WDR97: variants seen among roughly 807,000 people sequenced by gnomAD.
WDR97 encodes the protein WD repeat domain 97, also known as WD repeat-containing protein 97.
Under a neutral mutation model 65.4 loss-of-function variants are expected in WDR97, and 111 were observed. The observed-to-expected ratio is 1.70, with a 90% CI of 1.45 to 1.99. The LOEUF is 1.99. WDR97 is among the 30% of genes most tolerant of loss of function. WDR97 has a pLI of 0.00. For synonymous variants in WDR97, 802 were observed against 397.7 expected (o/e 2.02, Z -12.10); for missense variants, 1,674 against 865.0 (o/e 1.94, Z -11.73).
rs757992745 is a variant in WDR97, at chr8:144,112,088, C to A, written c.2839C>A (p.Arg947=). 2 of 702,774 alleles carry A rather than the reference C, an allele frequency of 2.8e-6. No individual in the cohort carries two copies. The highest frequency in any genetic ancestry group is 5.2e-6 in the Non-Finnish European group (2 of 385,068). 43.5% of individuals were successfully genotyped at this position (702,774 alleles called of 1,614,324 possible). Reference sequence around the variant, plus strand: ...GGGCCAGCACTTCTCCCAGTCTCCCCGAGTCACAGTGCCGATCCCACCCAC... The same window carrying A: ...GGGCCAGCACTTCTCCCAGTCTCCCAGAGTCACAGTGCCGATCCCACCCAC... ...ALGQHFSQSP[R]VTVPIPPTHR... The change falls in exon 13 of 24, where the codon CGA becomes AGA. Residue 947 remains arginine, a synonymous_variant. Transcript: ENST00000323662.
rs768577632 is a variant in WDR97 at position 144,116,105 on chromosome 8, C to T, written c.4681C>T (p.Arg1561Trp). ...AMRLRGPMRS[R>W]LCAGRTLDGP... is the part of the protein sequence containing the mutation. ...CCCGCCCCCAGGCCCCATGCGGTCC[C>T]GGCTCTGTGCGGGCCGCACCCTGGA... is the stretch of plus-strand genomic sequence containing the variant. Residue 1561 changes from arginine to tryptophan, a missense_variant, in exon 24 of 24, where the codon CGG becomes TGG. By Grantham distance (101) the Arg-to-Trp change is moderately radical. Transcript: ENST00000323662. 146 of 695,704 alleles carry T rather than the reference C, an allele frequency of 2.1e-4. No homozygotes were observed. The East Asian group carries it at 2.9e-3, about 14-fold the overall frequency. 43.1% of individuals were successfully genotyped at this position (695,704 alleles called of 1,614,324 possible). A position where few individuals can be genotyped will look rare whatever the true frequency, so the allele number is the denominator to read the frequency against.
chr8:144,109,506 C>T lies in WDR97; in HGVS notation c.1172C>T (p.Pro391Leu). The T allele has an allele frequency of 1.4e-6, 1 of 696,464 alleles. No individual in the cohort carries two copies. The highest frequency in any genetic ancestry group is 2.7e-4 in the Middle Eastern group (1 of 3,686). 43.1% of individuals were successfully genotyped at this position (696,464 alleles called of 1,614,324 possible). A position where few individuals can be genotyped will look rare whatever the true frequency, so the allele number is the denominator to read the frequency against. ...LSRRVGRLLA[P>L]VRPGWPVLSL... ...CGGCGCGTGGGCCGTCTGCTGGCGC[C>T]GGTGCGCCCGGGCTGGCCGGTGCTG... Residue 391 changes from proline to leucine, a missense_variant, in exon 5 of 24, where the codon CCG becomes CTG. Coordinates refer to ENST00000323662, the MANE Select transcript of WDR97 (RefSeq NM_001316309.2).
Position 144,109,797 on chromosome 8 carries a change from C to T in WDR97, c.1463C>T (p.Ala488Val). The T allele has an allele frequency of 1.5e-6, 1 of 672,590 alleles. No homozygotes were observed. Among genetic ancestry groups the T allele is most frequent in the East Asian group, 2.9e-5 (1 of 34,888 alleles). 41.7% of individuals were successfully genotyped at this position (672,590 alleles called of 1,614,324 possible). The change falls in exon 5 of 24, where the codon GCG becomes GTG. Residue 488 changes from alanine to valine, a missense_variant. Transcript: ENST00000323662. ...AAVAYCLPRE[A>V]LWLLTRAGHL... Reference sequence around the variant, plus strand: ...GTGGCCTACTGCCTGCCGCGCGAGGCGCTGTGGCTGCTGACCAGGGCTGGG... The same window carrying T: ...GTGGCCTACTGCCTGCCGCGCGAGGTGCTGTGGCTGCTGACCAGGGCTGGG...
chr8:144,116,506 GGGCACCAGCGTTCCCGGA>G lies in WDR97; in HGVS notation c.*216_*233del. 2.0e-6 allele frequency: 1 copy of G among 498,202 alleles called. No individual in the cohort carries two copies. The highest frequency in any genetic ancestry group is 3.5e-6 in the Non-Finnish European group (1 of 284,436). 30.9% of individuals were successfully genotyped at this position (498,202 alleles called of 1,614,324 possible). ...GAGGCCTGGCGGAGGTGGCCATCGT[GGGCACCAGCGTTCCCGGA>G]GGGGTGGCCGGCCTAGGGCAGAGGA... On this transcript the variant is annotated 3_prime_UTR_variant, in exon 24 of 24. Transcript: ENST00000323662.
Position 144,112,891 on chromosome 8 carries a change from T to C in WDR97, c.3105+361T>C, listed in dbSNP as rs141961800. 90 of 356,078 alleles carry C rather than the reference T, an allele frequency of 2.5e-4. 1 individual carries two copies. The highest frequency in any genetic ancestry group is 1.4e-3 in the African/African-American group (69 of 48,712). 22.1% of individuals were successfully genotyped at this position (356,078 alleles called of 1,614,324 possible). ...TCCTGGAAGATCAGAATCCCTGCCC[T>C]TTAGAGGAGCAAAGTCAAGGGAACC... is the stretch of plus-strand genomic sequence containing the variant. On this transcript the variant is annotated intron_variant, in intron 15 of 23. Transcript: ENST00000323662.
At chr8:144,113,593 G>A (rs4075064) in intron 16 of WDR97, 64 bp from the exon 17 acceptor site, 13,465 of 665,888 alleles carry the variant, frequency 0.02, 1,185 homozygotes, top group African/African-American at 0.2. Flanking sequence ...TGGGGGTTTT[G>A]CCGGCAGGGG....
rs544239159 is a variant in WDR97 at position 144,108,341 on chromosome 8, C to T, written c.275C>T (p.Ala92Val). The T allele has an allele frequency of 4.3e-5, 30 of 694,196 alleles. No homozygotes were observed. The highest frequency in any genetic ancestry group is 4.0e-4 in the South Asian group (27 of 66,746). The allele number at this position is 694,196 out of a possible 1,614,324, so 43.0% of individuals were successfully genotyped here. The change falls in exon 3 of 24, where the codon GCG becomes GTG. Residue 92 changes from alanine to valine, a missense_variant. Coordinates refer to ENST00000323662, the MANE Select transcript of WDR97 (RefSeq NM_001316309.2). ...EKEKRAELRA[A>V]RLTHGLEPLR... ...GAGAAGAGAGCCGAGCTGCGCGCGG[C>T]GCGCCTGACGCATGGGCTGGAACCA...
intron 15 of WDR97, 146 bp from the exon 16 acceptor site, chr8:144,113,294 T>G: frequency 1.5e-6 from 1 of 657,080 alleles, no homozygotes; most frequent in Non-Finnish European, 2.7e-6. Flanking sequence ...AGAGTAGGGG[T>G]TGCTAGCTCA....
rs1374724202 is a variant in WDR97, at chr8:144,108,097, T to C, written c.151T>C (p.Leu51=). The part of the protein sequence containing the change: ...FTEPSQVLPF[L]TSSQQWQSLT... Reference sequence around the variant, plus strand: ...GGAGCCGTCGCAGGTCCTGCCCTTTTTGACCAGCAGCCAACAGTGGCAAAG... The same window carrying C: ...GGAGCCGTCGCAGGTCCTGCCCTTTCTGACCAGCAGCCAACAGTGGCAAAG... The change falls in exon 2 of 24, where the codon TTG becomes CTG. Residue 51 remains leucine, a synonymous_variant. Coordinates refer to ENST00000323662, the MANE Select transcript of WDR97 (RefSeq NM_001316309.2). 4.3e-6 allele frequency: 3 copies of C among 702,796 alleles called. No homozygotes were observed. The highest frequency in any genetic ancestry group is 7.8e-6 in the Non-Finnish European group (3 of 385,004). The allele number at this position is 702,796 out of a possible 1,614,324, so 43.5% of individuals were successfully genotyped here. A position where few individuals can be genotyped will look rare whatever the true frequency, so the allele number is the denominator to read the frequency against.
At position 144,108,320 on chromosome 8, in the gene WDR97, A is replaced by G; in HGVS notation, c.254A>G (p.Lys85Arg). 1.4e-6 allele frequency: 1 copy of G among 693,360 alleles called. No homozygotes were observed. The highest frequency in any genetic ancestry group is 2.6e-6 in the Non-Finnish European group (1 of 382,232). The allele number at this position is 693,360 out of a possible 1,614,324, so 43.0% of individuals were successfully genotyped here. A position where few individuals can be genotyped will look rare whatever the true frequency, so the allele number is the denominator to read the frequency against. ...CCCGCCCACCCCGGCCCACAGGAGA[A>G]GAGAGCCGAGCTGCGCGCGGCGCGC... Reference protein sequence around the residue: ...TSLHEVVEKEKRAELRAARLT... With the variant: ...TSLHEVVEKERRAELRAARLT... The change falls in exon 3 of 24, where the codon AAG (lysine) becomes AGG (arginine). Residue 85 changes from lysine (K) to arginine (R), a missense_variant. Coordinates refer to ENST00000323662, the MANE Select transcript of WDR97 (RefSeq NM_001316309.2).
At position 144,114,163 on chromosome 8, in the gene WDR97, G is replaced by A. The variant is rs915885733; in HGVS notation, c.3594+1G>A. The A allele has an allele frequency of 1.4e-6, 1 of 702,418 alleles. No homozygotes were observed. The highest frequency in any genetic ancestry group is 1.5e-5 in the South Asian group (1 of 67,566). 43.5% of individuals were successfully genotyped at this position (702,418 alleles called of 1,614,324 possible). A position where few individuals can be genotyped will look rare whatever the true frequency, so the allele number is the denominator to read the frequency against. On this transcript the variant is annotated splice_donor_variant, in intron 18 of 23. Coordinates refer to ENST00000323662, the MANE Select transcript of WDR97 (RefSeq NM_001316309.2). LOFTEE classifies it high-confidence loss of function. ...GTTGTTCCCCATCTTCAGCCTGCAG[G>A]TTGGAGGGAACTGGGGATGCATGAG... is the stretch of plus-strand genomic sequence containing the variant.
In WDR97 at chr8:144,110,695, G is replaced by A. The variant is rs1197457478; in HGVS notation, c.2127G>A (p.Leu709=). ...TCAAACTGTATGCCTGCTCCAGCCT[G>A]GACTGCACCGTTCGCATCTGGACTG... ...PTLKLYACSS[L]DCTVRIWTAE... Residue 709 remains leucine, a synonymous_variant, in exon 8 of 24, where the codon CTG becomes CTA. Transcript: ENST00000323662. 1.4e-5 allele frequency: 10 copies of A among 701,416 alleles called. No homozygotes were observed. The highest frequency in any genetic ancestry group is 2.6e-5 in the Non-Finnish European group (10 of 384,964). The allele number at this position is 701,416 out of a possible 1,614,324, so 43.4% of individuals were successfully genotyped here.
chr8:144,109,104 C>T lies in WDR97; in HGVS notation c.934C>T (p.Arg312Trp), dbSNP rs1448785140. ...EEVEAMVTAS[R>W]DSTVKVWEAD... Reference sequence around the variant, plus strand: ...AGTAGAGGCAATGGTGACAGCTTCCCGGGACAGCACCGTGAAGGTGTGGGA... The same window carrying T: ...AGTAGAGGCAATGGTGACAGCTTCCTGGGACAGCACCGTGAAGGTGTGGGA... Residue 312 changes from arginine to tryptophan, a missense_variant, in exon 4 of 24, where the codon CGG becomes TGG. Coordinates refer to ENST00000323662, the MANE Select transcript of WDR97 (RefSeq NM_001316309.2). 3 of 702,960 alleles carry T rather than the reference C, an allele frequency of 4.3e-6. No individual in the cohort carries two copies. The African/African-American group carries it at 5.2e-5, about 12-fold the overall frequency. 43.5% of individuals were successfully genotyped at this position (702,960 alleles called of 1,614,324 possible).
intron 4 of WDR97, 32 bp from the exon 5 acceptor site, chr8:144,109,303 A>G: frequency 1.4e-6 from 1 of 700,124 alleles, no homozygotes; most frequent in South Asian, 1.5e-5. Flanking sequence ...CCCTGCCTTC[A>G]GTCGGCCGAG....
In WDR97 at chr8:144,115,351, C is replaced by T. The variant is rs1442464970; in HGVS notation, c.4088C>T (p.Ser1363Leu). The T allele has an allele frequency of 1.0e-5, 6 of 600,320 alleles. No individual in the cohort carries two copies. Among genetic ancestry groups the T allele is most frequent in the East Asian group, 2.8e-5 (1 of 35,778 alleles). 37.2% of individuals were successfully genotyped at this position (600,320 alleles called of 1,614,324 possible). A position where few individuals can be genotyped will look rare whatever the true frequency, so the allele number is the denominator to read the frequency against. ...TCCTCTCCTCCCAAGGAGACCCCAT[C>T]GCAGACGTCAGTGGTCTCTGGGGCA... is the stretch of plus-strand genomic sequence containing the variant. Reference protein sequence around the residue: ...DMIQELQETPSQTSVVSGAPT... With the variant: ...DMIQELQETPLQTSVVSGAPT... Residue 1363 changes from serine to leucine, a missense_variant, in exon 22 of 24, where the codon TCG becomes TTG. Physicochemically the swap from Ser to Leu is moderately radical, Grantham distance 145. Transcript: ENST00000323662.
Position 144,113,703 on chromosome 8 carries a change from C to A in WDR97, c.3230C>A (p.Ser1077Tyr). 1.5e-6 allele frequency: 1 copy of A among 683,326 alleles called. No homozygotes were observed. Among genetic ancestry groups the A allele is most frequent in the Non-Finnish European group, 2.7e-6 (1 of 373,564 alleles). The allele number at this position is 683,326 out of a possible 1,614,324, so 42.3% of individuals were successfully genotyped here. ...DALWLWRPRP[S>Y]QTQWQRKLLQ... ...CTGTGGTTGTGGCGCCCCAGGCCATCCCAAACCCAGTGGCAGAGGAAGCTG... is the reference window on the plus strand; with the variant it reads ...CTGTGGTTGTGGCGCCCCAGGCCATACCAAACCCAGTGGCAGAGGAAGCTG... The change falls in exon 17 of 24, where the codon TCC (serine) becomes TAC (tyrosine). Residue 1077 changes from serine (S) to tyrosine (Y), a missense_variant. Transcript: ENST00000323662.
chr8:144,113,673 A>G lies in WDR97; in HGVS notation c.3200A>G (p.Asp1067Gly), dbSNP rs182327085. Reference protein sequence around the residue: ...WLNAEPGASQDALWLWRPRPS... With the variant: ...WLNAEPGASQGALWLWRPRPS... ...CCTCTGCAGCCAGGGGCAAGCCAGG[A>G]TGCCCTGTGGTTGTGGCGCCCCAGG... The change falls in exon 17 of 24, where the codon GAT becomes GGT. Residue 1067 changes from aspartate (D) to glycine (G), a missense_variant. By Grantham distance (94) the Asp-to-Gly change is moderately conservative. Transcript: ENST00000323662. 3.3e-5 allele frequency: 22 copies of G among 662,608 alleles called. No homozygotes were observed. In the African/African-American group the frequency reaches 3.5e-4, roughly 11 times the overall value. 41.0% of individuals were successfully genotyped at this position (662,608 alleles called of 1,614,324 possible). A position where few individuals can be genotyped will look rare whatever the true frequency, so the allele number is the denominator to read the frequency against.
In WDR97 at chr8:144,111,207, G is replaced by T. The variant is rs573165302; in HGVS notation, c.2411G>T (p.Gly804Val). 1 of 702,694 alleles carries T rather than the reference G, an allele frequency of 1.4e-6. No homozygotes were observed. Among genetic ancestry groups the T allele is most frequent in the Non-Finnish European group, 2.6e-6 (1 of 384,998 alleles). 43.5% of individuals were successfully genotyped at this position (702,694 alleles called of 1,614,324 possible). A position where few individuals can be genotyped will look rare whatever the true frequency, so the allele number is the denominator to read the frequency against. ...AQLQRLTNLH[G>V]AASLSEALSL... The stretch of plus-strand genomic sequence containing the variant: ...CTGCAGAGGCTCACCAACCTCCATG[G>T]GGCAGCCAGCCTCAGGTCCCATGCA... The change falls in exon 10 of 24, where the codon GGG (glycine) becomes GTG (valine). Residue 804 changes from glycine to valine, a missense_variant. Physicochemically the swap from Gly to Val is moderately radical, Grantham distance 109. Coordinates refer to ENST00000323662, the MANE Select transcript of WDR97 (RefSeq NM_001316309.2).
At chr8:144,115,037 C>T in intron 21 of WDR97, 126 bp downstream of exon 21, 1 of 604,832 alleles carries the variant, frequency 1.7e-6, no homozygotes, top group Non-Finnish European at 2.9e-6. Context: ...TCCTGGGCCT[C>T]CAGCCTCCCT....
Sources: gnomAD v4.1 joint callset for allele counts on GRCh38, gnomAD v4.1.1 for gene constraint, MANE v1.5 for transcripts, NCBI Gene and HGNC (gene_info 2026-07-23, HGNC 2026-07-21) for gene names.